The following MYO18A variants were observed in gnomAD, a reference collection of about 807,000 sequenced individuals.
MYO18A encodes myosin XVIIIA, also known as unconventional myosin-XVIIIa.
In MYO18A, 78 loss-of-function variants were observed where a neutral mutation model predicts 235.8. The observed-to-expected ratio is 0.33, with a 90% CI of 0.28 to 0.40. MYO18A has a LOEUF of 0.40. MYO18A is among the 10% of genes least tolerant of loss of function. The pLI is 1.00. For synonymous variants in MYO18A, 977 were observed against 1,077.8 expected (o/e 0.91, Z 1.83); for missense variants, 2,215 against 2,699.3 (o/e 0.82, Z 3.98).
chr17:29,165,274 C>T (rs1241143755), intron 2 of MYO18A: 2 of 152,108 alleles, frequency 1.3e-5, no homozygotes, highest in Non-Finnish European at 2.9e-5. Flanking sequence ...GATCTAAATA[C>T]CATGGAAATA....
At chr17:29,087,377 C>G (rs1018463473) in intron 37 of MYO18A, among the ~76,000 whole-genome samples, 4 of 152,158 alleles carry the variant, frequency 2.6e-5, no homozygotes, top group Non-Finnish European at 5.9e-5. Flanking sequence ...ATGAAAGGTG[C>G]TATTATCATT....
intron 2 of MYO18A, 137 bp downstream of exon 2, chr17:29,165,805 A>G: frequency 1.2e-6 from 1 of 850,056 alleles, no homozygotes. Context: ...CCACAGGCTC[A>G]GAGAGCAGCA....
rs1360706671 is a variant in MYO18A, at chr17:29,097,286, G to C, written c.4167C>G (p.Leu1389=). Residue 1389 remains leucine, a synonymous_variant, in exon 27 of 42, where the codon CTC becomes CTG. Coordinates refer to ENST00000527372, the MANE Select transcript of MYO18A (RefSeq NM_078471.4). ...CCAGCTTGTCCTCAAACTCCTGCTG[G>C]AGCCGTTTCTTGGTGAAGTCCACCT... ...VREVDFTKKR[L]QQEFEDKLEV... The C allele has an allele frequency of 6.2e-7, 1 of 1,611,266 alleles. No individual in the cohort carries two copies. Among genetic ancestry groups the C allele is most frequent in the South Asian group, 1.1e-5 (1 of 91,072 alleles).
intron 33 of MYO18A, 59 bp from the exon 34 acceptor site, chr17:29,092,515 G>A: frequency 1.4e-6 from 2 of 1,381,344 alleles, no homozygotes. Flanking sequence ...GGGGGCAGGA[G>A]GGCTGTACAG....
intron 2 of MYO18A, chr17:29,128,167 C>T (rs533537952): frequency 1.8e-6 from 2 of 1,118,290 alleles, no homozygotes; most frequent in African/African-American, 3.4e-5. Context: ...CCTCCTTCTT[C>T]ACTTCAGGCT....
chr17:29,073,984 C>T lies in MYO18A; in HGVS notation c.*786G>A, dbSNP rs766119466. 1.9e-6 allele frequency: 3 copies of T among 1,613,864 alleles called. No individual in the cohort carries two copies. The highest frequency in any genetic ancestry group is 2.5e-6 in the Non-Finnish European group (3 of 1,179,964). ...GGTTTACCTTAAATAGGTCATTGCA[C>T]ATAACACGCTGAGACAAAGAGGGTG... On this transcript the variant is annotated 3_prime_UTR_variant, in exon 42 of 42. Coordinates refer to ENST00000527372, the MANE Select transcript of MYO18A (RefSeq NM_078471.4).
Position 29,111,832 on chromosome 17 carries a change from C to T in MYO18A, c.2630G>A (p.Arg877Lys). ...CTCTTCCAATAGCCAGAGCAGGCCC[C>T]TCGCCTCGTCTGTGCGGGCCAGCGA... ...VRSLARTDEA[R>K]GLLWLLEEEA... The change falls in exon 16 of 42, where the codon AGG (arginine) becomes AAG (lysine). Residue 877 changes from arginine (R) to lysine (K), a missense_variant. Coordinates refer to ENST00000527372, the MANE Select transcript of MYO18A (RefSeq NM_078471.4). This position sits in a 1 kb window ranked among gnomAD's most constrained non-coding sequence, Gnocchi z 5.1. The T allele has an allele frequency of 6.2e-7, 1 of 1,613,734 alleles. No homozygotes were observed. The highest frequency in any genetic ancestry group is 2.2e-5 in the East Asian group (1 of 44,876).
chr17:29,148,981 T>G (rs1375907638), intron 2 of MYO18A, among the ~76,000 whole-genome samples: 3 of 152,310 alleles, frequency 2.0e-5, no homozygotes, highest in South Asian at 2.1e-4. Flanking sequence ...GCCCAGCACA[T>G]GCGCCTAGAG....
rs192523700 is a variant in MYO18A, at chr17:29,118,715, G to A, written c.1830-275C>T. On this transcript the variant is annotated intron_variant, in intron 8 of 41. Transcript: ENST00000527372. This position sits in a 1 kb window ranked among gnomAD's most constrained non-coding sequence, Gnocchi z 4.2. ...AGGGAGCAGGGAACCTGCCCGAAGG[G>A]TGAGTCCCGCCAAGGCAGAGACGAT... 2.0e-5 allele frequency among the ~76,000 whole-genome samples: 3 copies of A among 152,380 alleles called. No individual in the cohort carries two copies. In the East Asian group the frequency reaches 5.8e-4, roughly 29 times the overall value.
intron 2 of MYO18A, chr17:29,128,044 G>A: frequency 3.0e-6 from 3 of 1,015,202 alleles, no homozygotes; most frequent in South Asian, 3.5e-5. Flanking sequence ...CTGGCTCCTG[G>A]CTGGAGGGCT....
intron 36 of MYO18A, 21 bp from the exon 37 acceptor site, chr17:29,090,119 G>A (rs768788005): frequency 6.2e-7 from 1 of 1,605,690 alleles, no homozygotes; most frequent in African/African-American, 1.3e-5. Context: ...GGGACAGGAA[G>A]AGAAGAAAGA....
chr17:29,091,541 C>T (rs986644699), intron 34 of MYO18A: 4 of 443,132 alleles, frequency 9.0e-6, no homozygotes, highest in South Asian at 3.2e-5. Flanking sequence ...GGGAAGCCTC[C>T]GCCAAGAAAT....
Position 29,111,352 on chromosome 17 carries a change from C to T in MYO18A, c.2900+72G>A. ...TAGTGAGGGGGCCTCTGAGACAACC[C>T]CAGGGGGAGGGAGCCCCAAAATCAA... On this transcript the variant is annotated intron_variant, in intron 17 of 41. Transcript: ENST00000527372. This position sits in a 1 kb window ranked among gnomAD's most constrained non-coding sequence, Gnocchi z 5.1. 1 of 1,542,250 alleles carries T rather than the reference C, an allele frequency of 6.5e-7. No homozygotes were observed. Among genetic ancestry groups the T allele is most frequent in the South Asian group, 1.2e-5 (1 of 84,150 alleles).
At chr17:29,176,757 T>A (rs1365284109) in intron 1 of MYO18A, 1 of 152,178 alleles carries the variant, frequency 6.6e-6, no homozygotes, top group Non-Finnish European at 1.5e-5. Flanking sequence ...CCCTGCCAGG[T>A]CACACGGAGC....
intron 2 of MYO18A, among the ~76,000 whole-genome samples, chr17:29,160,121 T>A (rs2068142279): frequency 6.6e-6 from 1 of 152,192 alleles, no homozygotes; most frequent in Non-Finnish European, 1.5e-5. Context: ...AGGGTACTAA[T>A]GTTTCTAAGC....
intron 2 of MYO18A, among the ~76,000 whole-genome samples, chr17:29,141,939 A>AT (rs1330382401): frequency 1.3e-5 from 2 of 151,758 alleles, no homozygotes; most frequent in Non-Finnish European, 2.9e-5. Flanking sequence ...GGGCACTGGG[A>AT]TTTTTTTGTT....
chr17:29,124,043 A>G (rs1284495031), intron 2 of MYO18A, among the ~76,000 whole-genome samples: 2 of 114,710 alleles, frequency 1.7e-5, no homozygotes, highest in Non-Finnish European at 3.7e-5. Flanking sequence ...GCGAGACTCC[A>G]TCTCAAAAAA....
In MYO18A at chr17:29,120,710, C is replaced by A; in HGVS notation, c.1634G>T (p.Ser545Ile). 3.7e-6 allele frequency: 6 copies of A among 1,613,954 alleles called. No individual in the cohort carries two copies. The highest frequency in any genetic ancestry group is 5.1e-6 in the Non-Finnish European group (6 of 1,179,864). Reference sequence around the variant, plus strand: ...GGCATTGCCATTAATGATGGTGGGGCTGTTCCCAAAGGCTTCCAGGAGGGT... The same window carrying A: ...GGCATTGCCATTAATGATGGTGGGGATGTTCCCAAAGGCTTCCAGGAGGGT... ...LYTLLEAFGN[S>I]PTIINGNATR... Residue 545 changes from serine (S) to isoleucine (I), a missense_variant, in exon 7 of 42, where the codon AGC becomes ATC. Transcript: ENST00000527372. The surrounding 1 kb of genome is among the most constrained non-coding windows in gnomAD (Gnocchi z 4.2).
chr17:29,166,052 G>A lies in MYO18A; in HGVS notation c.889C>T (p.Arg297Trp), dbSNP rs199804773. 6.2e-7 allele frequency: 1 copy of A among 1,613,710 alleles called. No homozygotes were observed. Among genetic ancestry groups the A allele is most frequent in the Non-Finnish European group, 8.5e-7 (1 of 1,179,886 alleles). Residue 297 changes from arginine to tryptophan, a missense_variant, in exon 2 of 42, where the codon CGG (arginine) becomes TGG (tryptophan). By Grantham distance (101) the Arg-to-Trp change is moderately radical. Transcript: ENST00000527372. ...KSRDEIVEMI[R>W]QSGDSVRLKV... ...AGCCGCACGCTGTCCCCTGACTGCCGGATCATCTCCACAATCTCATCCCTG... is the reference window on the plus strand; with the variant it reads ...AGCCGCACGCTGTCCCCTGACTGCCAGATCATCTCCACAATCTCATCCCTG...
Sources: allele counts gnomAD v4.1 joint callset (sites outside exome capture counted in the v4.1 genomes callset), GRCh38; gene constraint gnomAD v4.1.1; non-coding constraint Gnocchi (gnomAD v3.1); transcripts MANE v1.5; gene names NCBI Gene and HGNC (gene_info 2026-07-23, HGNC 2026-07-21).